MSH3: variants seen among roughly 807,000 people sequenced by gnomAD.
MSH3 encodes the protein DNA mismatch repair protein Msh3.
A neutral mutation model predicts 123.3 loss-of-function variants in MSH3; 106 were observed. The observed-to-expected ratio is 0.86, with a 90% CI of 0.73 to 1.01. The LOEUF (loss-of-function observed/expected upper bound fraction) is 1.01, where lower values mean the gene tolerates loss of function less well. Among genes scored for constraint, MSH3 ranks in the 50% least tolerant of loss-of-function variants. The pLI, the probability that MSH3 is intolerant of heterozygous loss-of-function variation, is 0.00. For missense variants in MSH3, 1,459 were observed against 1,347.6 expected, an observed-to-expected ratio of 1.08 and a Z score of -1.29; for synonymous variants, 515 against 481.4, an observed-to-expected ratio of 1.07 and a Z score of -0.91.
chr5:80,668,731 A>G (rs1749626370), intron 3 of MSH3, among the ~76,000 whole-genome samples: 1 of 152,092 alleles, frequency 6.6e-6, no homozygotes, highest in Non-Finnish European at 1.5e-5. Context: ...CCGGGTCCAC[A>G]GCCACAGCTT....
At chr5:80,787,467 G>A (rs1744528700) in intron 17 of MSH3, 98 bp from the exon 18 acceptor site, 1 of 806,516 alleles carries the variant, frequency 1.2e-6, no homozygotes, top group East Asian at 2.5e-5. Flanking sequence ...TCATCTGTAT[G>A]CTTACACTAG....
At chr5:80,843,586 G>C (rs2112093848) in intron 20 of MSH3, among the ~76,000 whole-genome samples, 1 of 152,278 alleles carries the variant, frequency 6.6e-6, no homozygotes, top group Middle Eastern at 3.4e-3. Context: ...TTCAGAACCT[G>C]TTACTGGTTT....
intron 10 of MSH3, among the ~76,000 whole-genome samples, chr5:80,734,662 C>G (rs1248842262): frequency 6.6e-6 from 1 of 152,104 alleles, no homozygotes; most frequent in African/African-American, 2.4e-5. Flanking sequence ...GGTCACTGTT[C>G]ACTACTATTT....
intron 17 of MSH3, among the ~76,000 whole-genome samples, chr5:80,780,687 T>C (rs1744395486): frequency 6.6e-6 from 1 of 152,184 alleles, no homozygotes; most frequent in African/African-American, 2.4e-5. Context: ...GCCAAGATGG[T>C]GAAACCCTGT....
intron 13 of MSH3, among the ~76,000 whole-genome samples, chr5:80,767,348 C>CT (rs1045166605): frequency 1.3e-5 from 2 of 151,870 alleles, no homozygotes; most frequent in Admixed American, 1.3e-4. Context: ...ATAAAAGTGT[C>CT]TTTTTTTTCT....
intron 10 of MSH3, among the ~76,000 whole-genome samples, chr5:80,737,809 G>A (rs1013172789): frequency 1.3e-5 from 2 of 152,120 alleles, no homozygotes; most frequent in Admixed American, 6.5e-5. Flanking sequence ...AACTCCAGAA[G>A]CATGGTTAGT....
chr5:80,709,634 A>C (rs1381285784), intron 8 of MSH3, among the ~76,000 whole-genome samples: 1 of 152,252 alleles, frequency 6.6e-6, no homozygotes, highest in Non-Finnish European at 1.5e-5. Flanking sequence ...TCCGTCTCAA[A>C]AAAAGAAAAA....
chr5:80,828,414 T>G (rs1469523079), intron 20 of MSH3, among the ~76,000 whole-genome samples: 2 of 152,178 alleles, frequency 1.3e-5, no homozygotes, highest in Non-Finnish European at 2.9e-5. Flanking sequence ...CTTAATACTG[T>G]TACATTGGGA....
intron 8 of MSH3, among the ~76,000 whole-genome samples, chr5:80,687,232 A>G (rs1750112040): frequency 6.6e-6 from 1 of 152,218 alleles, no homozygotes; most frequent in Admixed American, 6.5e-5. Flanking sequence ...CTATCTTGTT[A>G]CACTTTCTTT....
At chr5:80,765,080 G>A (rs1580031018) in intron 13 of MSH3, among the ~76,000 whole-genome samples, 1 of 152,098 alleles carries the variant, frequency 6.6e-6, no homozygotes, top group East Asian at 1.9e-4. Context: ...CAGCTTTCTT[G>A]TAGCTTCTTT....
chr5:80,784,240 G>GAAAAAAAAAAAAAAAAAAAAAAAAA (rs1561477481), intron 17 of MSH3, among the ~76,000 whole-genome samples: 2 of 70,642 alleles, frequency 2.8e-5, no homozygotes. Flanking sequence ...AAAAAAAAAA[G>GAAAAAAAAAAAAAAAAAAAAAAAAA]GGAAATAAAT....
At chr5:80,737,495 A>G (rs959013390) in intron 10 of MSH3, among the ~76,000 whole-genome samples, 8 of 152,338 alleles carry the variant, frequency 5.3e-5, no homozygotes, top group African/African-American at 1.9e-4. Flanking sequence ...TAAGATTTCT[A>G]TGCAGGTTCA....
chr5:80,693,173 AT>A lies in MSH3; in HGVS notation c.1340+14081del, dbSNP rs1220073676. On this transcript the variant is annotated intron_variant, in intron 8 of 23. Transcript: ENST00000265081. ...TTTATATAGATAAATATACATGCAC[AT>A]GTATATGTTTATATAGATAAATATA... Among the ~76,000 whole-genome samples the A allele has an allele frequency of 5.0e-5, 4 of 80,344 alleles. No homozygotes were observed. The East Asian group carries it at 1.3e-3, about 27-fold the overall frequency. 52.7% of individuals were successfully genotyped at this position (80,344 alleles called of 152,430 possible). A position where few individuals can be genotyped will look rare whatever the true frequency, so the allele number is the denominator to read the frequency against.
Position 80,665,358 on chromosome 5 carries a change from C to T in MSH3, c.574C>T (p.Gln192Ter), listed in dbSNP as rs374133543. 6.7e-5 allele frequency: 108 copies of T among 1,609,728 alleles called. No homozygotes were observed. Among genetic ancestry groups the T allele is most frequent in the Non-Finnish European group, 8.4e-5 (99 of 1,178,028 alleles). The change falls in exon 3 of 24, where the codon CAA becomes TAA. Residue 192 changes from glutamine to a stop codon, truncating the protein, a stop_gained. Coordinates refer to ENST00000265081, the MANE Select transcript of MSH3 (RefSeq NM_002439.5). LOFTEE classifies it high-confidence loss of function. ...TGAAGATTCGAAACGTCAAATTAAT[C>T]AAAAGGTATGTAACTGCTATAGATG... is the stretch of plus-strand genomic sequence containing the variant. ...SSEDSKRQIN[Q>*]KDTTLFDLSQ...
chr5:80,673,834 A>T (rs982532839), intron 6 of MSH3, among the ~76,000 whole-genome samples: 1 of 152,176 alleles, frequency 6.6e-6, no homozygotes, highest in Non-Finnish European at 1.5e-5. Context: ...CCAAATAATT[A>T]TATGTAAAAT....
chr5:80,868,004 T>C (rs964805385), intron 22 of MSH3, among the ~76,000 whole-genome samples: 8 of 152,146 alleles, frequency 5.3e-5, no homozygotes, highest in Non-Finnish European at 1.5e-5. Context: ...CCCGTTCCTA[T>C]GTACAGAATG....
At position 80,876,750 on chromosome 5, in the gene MSH3, A is replaced by G. The variant is rs2112133027; in HGVS notation, c.*888A>G. Among the ~76,000 whole-genome samples the G allele has an allele frequency of 6.6e-6, 1 of 152,364 alleles. No homozygotes were observed. Among genetic ancestry groups the G allele is most frequent in the East Asian group, 1.9e-4 (1 of 5,190 alleles). ...TATTGTCATAGGATTAAGCAGTTTA[A>G]AGATTGTTGGATGAAATTATTTGTC... is the stretch of plus-strand genomic sequence containing the variant. On this transcript the variant is annotated 3_prime_UTR_variant, in exon 24 of 24. Transcript: ENST00000265081.
chr5:80,657,560 C>T (rs1190906549), intron 2 of MSH3, among the ~76,000 whole-genome samples: 1 of 151,880 alleles, frequency 6.6e-6, no homozygotes, highest in Non-Finnish European at 1.5e-5. Context: ...AGATTTTTCT[C>T]TAGTTTTATG....
At position 80,851,333 on chromosome 5, in the gene MSH3, T is replaced by A. The variant is rs1745827322; in HGVS notation, c.2814-2797T>A. Among the ~76,000 whole-genome samples, 3 of 152,316 alleles carry A rather than the reference T, an allele frequency of 2.0e-5. No individual in the cohort carries two copies. In the South Asian group the frequency reaches 6.2e-4, roughly 32 times the overall value. On this transcript the variant is annotated intron_variant, in intron 20 of 23. Transcript: ENST00000265081. ...AAAATACCCTTTCCCCGCAGCACTC[T>A]TGATAATGGCAGATCATGTTCTTTT...
Sources: gnomAD v4.1 joint callset for allele counts (sites outside exome capture counted in the v4.1 genomes callset) on GRCh38, gnomAD v4.1.1 for gene constraint, MANE v1.5 for transcripts, NCBI Gene and HGNC (gene_info 2026-07-23, HGNC 2026-07-21) for gene names.